POU6F2: variants seen among roughly 807,000 people sequenced by gnomAD.
POU6F2 encodes POU domain, class 6, transcription factor 2.
A neutral mutation model predicts 71.3 loss-of-function variants in POU6F2; 31 were observed. That is an observed-to-expected ratio of 0.43 (90% CI 0.33 to 0.59). POU6F2 has a LOEUF of 0.59. Among genes scored for constraint, POU6F2 ranks in the 20% least tolerant of loss-of-function variants. The pLI is 0.04. For synonymous variants in POU6F2, 347 were observed against 355.7 expected (o/e 0.98, Z 0.27); for missense variants, 783 against 856.8 (o/e 0.91, Z 1.07).
At chr7:39,160,252 G>A (rs1254708037) in intron 2 of POU6F2, among the ~76,000 whole-genome samples, 1 of 152,172 alleles carries the variant, frequency 6.6e-6, no homozygotes, top group African/African-American at 2.4e-5. Flanking sequence ...ATCCAGTAGA[G>A]GAAGACTGAG....
At chr7:39,196,268 G>A (rs983357757) in intron 2 of POU6F2, among the ~76,000 whole-genome samples, 2 of 152,102 alleles carry the variant, frequency 1.3e-5, no homozygotes, top group Non-Finnish European at 2.9e-5. Context: ...TTCATACCTT[G>A]TCTCTCTATT....
intron 4 of POU6F2, among the ~76,000 whole-genome samples, chr7:39,223,394 G>A (rs961124582): frequency 2.6e-5 from 4 of 152,104 alleles, no homozygotes; most frequent in East Asian, 1.9e-4. Flanking sequence ...GGATACTCAC[G>A]TGAAAGAACA....
At chr7:39,020,667 T>C (rs17255994) in intron 1 of POU6F2, among the ~76,000 whole-genome samples, 25,474 of 152,098 alleles carry the variant, frequency 0.17, 2,542 homozygotes, top group Non-Finnish European at 0.23. Context: ...ATTTTTTATC[T>C]ACTTGATCTG....
chr7:39,134,123 G>A (rs1191542467), intron 2 of POU6F2, among the ~76,000 whole-genome samples: 1 of 152,054 alleles, frequency 6.6e-6, no homozygotes, highest in Non-Finnish European at 1.5e-5. Context: ...CAATCCTCCT[G>A]CCTTTGTCGT....
At position 39,417,611 on chromosome 7, in the gene POU6F2, TAATC is replaced by T. The variant is rs749544770; in HGVS notation, c.1113+10874_1113+10877del. Among the ~76,000 whole-genome samples the T allele has an allele frequency of 1.2e-4, 19 of 152,286 alleles. 1 individual carries two copies. Among genetic ancestry groups the T allele is most frequent in the South Asian group, 8.3e-4 (4 of 4,822 alleles). On this transcript the variant is annotated intron_variant, in intron 6 of 9. Transcript: ENST00000518318. Reference sequence around the variant, plus strand: ...CTTTATATTTGTAAGTAAATGCTATTAATCAAACAACACAAAGATACACAAACAG... The same window carrying T: ...CTTTATATTTGTAAGTAAATGCTATTAAACAACACAAAGATACACAAACAG...
chr7:39,153,840 G>A (rs922525057), intron 2 of POU6F2, among the ~76,000 whole-genome samples: 8 of 152,122 alleles, frequency 5.3e-5, no homozygotes, highest in South Asian at 2.1e-4. Context: ...CAAAGGGGAC[G>A]CACTTGGAAA....
intron 4 of POU6F2, among the ~76,000 whole-genome samples, chr7:39,291,132 T>A (rs1784749352): frequency 6.6e-6 from 1 of 152,190 alleles, no homozygotes; most frequent in South Asian, 2.1e-4. Context: ...TTACCTCTTC[T>A]AGCTGATAAC....
chr7:39,389,747 CCT>C (rs1787025577), intron 5 of POU6F2, among the ~76,000 whole-genome samples: 1 of 152,056 alleles, frequency 6.6e-6, no homozygotes, highest in Non-Finnish European at 1.5e-5. Flanking sequence ...CCATTTTTCC[CCT>C]GTGTTTAACA....
At chr7:39,322,412 C>T (rs1785416141) in intron 4 of POU6F2, among the ~76,000 whole-genome samples, 1 of 152,212 alleles carries the variant, frequency 6.6e-6, no homozygotes, top group Non-Finnish European at 1.5e-5. Context: ...TCCATGTGCT[C>T]TATTATGTTT....
chr7:39,046,417 T>C (rs889541949), intron 1 of POU6F2, among the ~76,000 whole-genome samples: 15 of 152,058 alleles, frequency 9.9e-5, no homozygotes, highest in African/African-American at 3.1e-4. Context: ...ATTTTCTTAA[T>C]AGTTTAATTT....
At chr7:39,410,915 T>C (rs185086213) in intron 6 of POU6F2, among the ~76,000 whole-genome samples, 415 of 152,336 alleles carry the variant, frequency 2.7e-3, no homozygotes, top group South Asian at 0.01. Context: ...GGCAGTTTCC[T>C]TATTCTGTGC....
intron 4 of POU6F2, among the ~76,000 whole-genome samples, chr7:39,265,473 TC>T (rs1431984186): frequency 6.6e-6 from 1 of 152,240 alleles, no homozygotes; most frequent in African/African-American, 2.4e-5. Context: ...TATGTACTTT[TC>T]TTAATACATT....
Position 38,996,564 on chromosome 7 carries a change from C to T in POU6F2, c.105+18506C>T, listed in dbSNP as rs749596855. 3.3e-5 allele frequency among the ~76,000 whole-genome samples: 5 copies of T among 152,148 alleles called. No homozygotes were observed. In the East Asian group the frequency reaches 9.6e-4, roughly 29 times the overall value. ...TGCAGCCTTGACCACTTTTTTAGAG[C>T]ATTATCTACCTAGAAAACATCCATG... On this transcript the variant is annotated intron_variant, in intron 1 of 9. Coordinates refer to ENST00000518318, the MANE Select transcript of POU6F2 (RefSeq NM_001370959.1).
At chr7:39,292,276 C>A (rs1784773523) in intron 4 of POU6F2, among the ~76,000 whole-genome samples, 1 of 152,228 alleles carries the variant, frequency 6.6e-6, no homozygotes, top group Non-Finnish European at 1.5e-5. Context: ...CCTCCACCCT[C>A]TCTAAAATGC....
At chr7:39,231,787 A>G (rs1794580980) in intron 4 of POU6F2, among the ~76,000 whole-genome samples, 1 of 152,032 alleles carries the variant, frequency 6.6e-6, no homozygotes, top group African/African-American at 2.4e-5. Flanking sequence ...TGTGCGCCCC[A>G]CTGGCCCTCG....
chr7:39,229,105 CAA>C (rs892245347), intron 4 of POU6F2, among the ~76,000 whole-genome samples: 6 of 152,198 alleles, frequency 3.9e-5, no homozygotes, highest in African/African-American at 1.4e-4. Context: ...CCTGTTTAGT[CAA>C]GAGAGCCTTA....
At chr7:38,982,027 T>C (rs1037359067) in intron 1 of POU6F2, among the ~76,000 whole-genome samples, 1 of 152,212 alleles carries the variant, frequency 6.6e-6, no homozygotes, top group South Asian at 2.1e-4. Flanking sequence ...ACCTAAAATA[T>C]GCTCAAATTG....
chr7:39,096,077 A>G (rs1791449624), intron 2 of POU6F2, among the ~76,000 whole-genome samples: 1 of 152,164 alleles, frequency 6.6e-6, no homozygotes, highest in African/African-American at 2.4e-5. Context: ...TAGAACCAGA[A>G]ACAGCAGGAA....
chr7:39,467,221 G>A lies in POU6F2; in HGVS notation c.*2535G>A, dbSNP rs920722738. ...TATTGTTTTATAAATTATTTATAAG[G>A]TGTTGTAATGCTTCTTATATTAATT... On this transcript the variant is annotated 3_prime_UTR_variant, in exon 10 of 10. Coordinates refer to ENST00000518318, the MANE Select transcript of POU6F2 (RefSeq NM_001370959.1). 6 of 152,090 alleles carry A rather than the reference G, an allele frequency of 3.9e-5. No individual in the cohort carries two copies. The highest frequency in any genetic ancestry group is 1.4e-4 in the African/African-American group (6 of 41,422). The allele number at this position is 152,090 out of a possible 1,614,324, so 9.4% of individuals were successfully genotyped here.
Sources: allele counts gnomAD v4.1 joint callset (sites outside exome capture counted in the v4.1 genomes callset), GRCh38; gene constraint gnomAD v4.1.1; transcripts MANE v1.5; gene names NCBI Gene and HGNC (gene_info 2026-07-23, HGNC 2026-07-21).